The following SLC6A6 variants were observed in gnomAD, a reference collection of about 807,000 sequenced individuals.
SLC6A6 encodes the protein sodium- and chloride-dependent taurine transporter.
In SLC6A6, 16 loss-of-function variants were observed where a neutral mutation model predicts 68.8. The observed-to-expected ratio is 0.23, with a 90% confidence interval of 0.16 to 0.35. The LOEUF (loss-of-function observed/expected upper bound fraction) is 0.35, where lower values mean the gene tolerates loss of function less well. SLC6A6 is among the 10% of genes least tolerant of loss of function. The pLI is 1.00. For missense variants in SLC6A6, 474 were observed against 802.8 expected (o/e 0.59, Z 4.95); for synonymous variants, 312 against 315.4 (o/e 0.99, Z 0.12).
rs1306299891 is a variant in SLC6A6 at position 14,445,862 on chromosome 3, G to A, written c.364+11G>A. 6 of 1,613,854 alleles carry A rather than the reference G, an allele frequency of 3.7e-6. No homozygotes were observed. In the East Asian group the frequency reaches 6.7e-5, roughly 18 times the overall value. On this transcript the variant is annotated intron_variant, in intron 4 of 14. Coordinates refer to ENST00000622186, the MANE Select transcript of SLC6A6 (RefSeq NM_003043.6). ...GCCCCTTGTTCTCTGGTGAGTATGG[G>A]ACGGAGGTCACTTGGGGCCTGGCAC...
chr3:14,409,764 G>C, intron 1 of SLC6A6, among the ~76,000 whole-genome samples: 1 of 152,238 alleles, frequency 6.6e-6, no homozygotes, highest in South Asian at 2.1e-4. Context: ...AGCAGCCCCA[G>C]GCTGTGGAGT....
At chr3:14,419,058 G>C (rs780002504) in intron 2 of SLC6A6, among the ~76,000 whole-genome samples, 2 of 152,188 alleles carry the variant, frequency 1.3e-5, no homozygotes, top group Non-Finnish European at 2.9e-5. Context: ...TTGTGCAAGG[G>C]GCCCTGCCTG....
chr3:14,455,577 A>G (rs1382974006), intron 5 of SLC6A6, among the ~76,000 whole-genome samples: 1 of 152,228 alleles, frequency 6.6e-6, no homozygotes, highest in African/African-American at 2.4e-5. Flanking sequence ...CAGGGGCTCT[A>G]CAGTGAGTCT....
At chr3:14,403,630 T>C (rs1032216255) in intron 1 of SLC6A6, among the ~76,000 whole-genome samples, 148 of 152,300 alleles carry the variant, frequency 9.7e-4, no homozygotes, top group African/African-American at 3.3e-3. Flanking sequence ...CGTCCAGCAG[T>C]CCTGAGTGGT....
chr3:14,485,066 A>C lies in SLC6A6; in HGVS notation c.*59A>C. On this transcript the variant is annotated 3_prime_UTR_variant, in exon 15 of 15. Transcript: ENST00000622186. ...TGCTGTTTACTAACATTAGATTCTCATAGGACCAGGTTTACAGAGCTTTAT... is the reference window on the plus strand; with the variant it reads ...TGCTGTTTACTAACATTAGATTCTCCTAGGACCAGGTTTACAGAGCTTTAT... 168 of 1,457,302 alleles carry C rather than the reference A, an allele frequency of 1.2e-4. No individual in the cohort carries two copies. Among genetic ancestry groups the C allele is most frequent in the Non-Finnish European group, 1.5e-4 (159 of 1,067,622 alleles). The allele number at this position is 1,457,302 out of a possible 1,614,324, so 90.3% of individuals were successfully genotyped here. A position where few individuals can be genotyped will look rare whatever the true frequency, so the allele number is the denominator to read the frequency against.
At chr3:14,419,025 G>A (rs1699428301) in intron 2 of SLC6A6, among the ~76,000 whole-genome samples, 1 of 152,244 alleles carries the variant, frequency 6.6e-6, no homozygotes, top group Non-Finnish European at 1.5e-5. Context: ...GCTGGAATGT[G>A]AGTTCTGCTT....
In SLC6A6 at chr3:14,443,756, G is replaced by A. The variant is rs1700046479; in HGVS notation, c.122G>A (p.Arg41Lys). ...EDEAEGKPPQ[R>K]EKWSSKIDFV... is the part of the protein sequence containing the mutation. ...GAGGCTGAGGGAAAACCTCCGCAGA[G>A]GGAGAAGTGGTCTAGCAAGATCGAC... The change falls in exon 3 of 15, where the codon AGG becomes AAG. Residue 41 changes from arginine (R) to lysine (K), a missense_variant. Physicochemically the swap from Arg to Lys is conservative, Grantham distance 26 (BLOSUM62 2). Around this residue, in one of 2 missense-constraint regions of SLC6A6, gnomAD observed 280 missense variants for 533.1 expected, o/e 0.53. Transcript: ENST00000622186. 1 of 1,614,186 alleles carries A rather than the reference G, an allele frequency of 6.2e-7. No individual in the cohort carries two copies. The highest frequency in any genetic ancestry group is 8.5e-7 in the Non-Finnish European group (1 of 1,180,000).
chr3:14,453,226 C>T (rs1304210684), intron 5 of SLC6A6, among the ~76,000 whole-genome samples: 3 of 152,230 alleles, frequency 2.0e-5, no homozygotes, highest in Non-Finnish European at 2.9e-5. Context: ...GCCGGCTGGA[C>T]GGCAGCAGGG....
At chr3:14,440,554 G>C (rs189265822) in intron 2 of SLC6A6, among the ~76,000 whole-genome samples, 33 of 152,246 alleles carry the variant, frequency 2.2e-4, no homozygotes, top group African/African-American at 7.7e-4. Flanking sequence ...AGGGTTGGGC[G>C]GGGGCATGAG....
intron 2 of SLC6A6, among the ~76,000 whole-genome samples, chr3:14,429,083 C>A (rs1039463317): frequency 6.6e-6 from 1 of 152,214 alleles, no homozygotes; most frequent in African/African-American, 2.4e-5. Flanking sequence ...GCTTCTCCCC[C>A]CAGTCTCAAA....
chr3:14,477,095 TG>T lies in SLC6A6; in HGVS notation c.1210-108del. 1.0e-6 allele frequency: 1 copy of T among 988,168 alleles called. No homozygotes were observed. Among genetic ancestry groups the T allele is most frequent in the Non-Finnish European group, 1.5e-6 (1 of 648,740 alleles). 61.2% of individuals were successfully genotyped at this position (988,168 alleles called of 1,614,324 possible). On this transcript the variant is annotated intron_variant, in intron 10 of 14. Coordinates refer to ENST00000622186, the MANE Select transcript of SLC6A6 (RefSeq NM_003043.6). The surrounding 1 kb of genome is among the most constrained non-coding windows in gnomAD (Gnocchi z 4.2). ...CACAGGCCAATTCTGGACACAAGGA[TG>T]GTCACGTCTGCTCCTGCATTGTGTG... is the stretch of plus-strand genomic sequence containing the variant.
At chr3:14,466,685 C>T (rs1457083552) in intron 7 of SLC6A6, 35 bp downstream of exon 7, 2 of 1,580,964 alleles carry the variant, frequency 1.3e-6, no homozygotes, top group East Asian at 2.3e-5. Context: ...TCCTCCCTCC[C>T]ATCCAGGGCT....
chr3:14,421,756 A>G (rs1362646809), intron 2 of SLC6A6, among the ~76,000 whole-genome samples: 1 of 152,200 alleles, frequency 6.6e-6, no homozygotes, highest in Non-Finnish European at 1.5e-5. Context: ...GGGGCTCAGG[A>G]AGGCAGTGAG....
chr3:14,431,056 A>C (rs1574923793), intron 2 of SLC6A6, among the ~76,000 whole-genome samples: 1 of 150,210 alleles, frequency 6.7e-6, no homozygotes, highest in African/African-American at 2.5e-5. Flanking sequence ...ATTAACTTCA[A>C]AGTCATTATT....
chr3:14,433,767 C>G (rs1012475177), intron 2 of SLC6A6, among the ~76,000 whole-genome samples: 3 of 138,700 alleles, frequency 2.2e-5, no homozygotes, highest in Non-Finnish European at 3.0e-5. Flanking sequence ...TCGCACCCTG[C>G]ACTCCAGCTT....
At chr3:14,445,948 T>G in intron 4 of SLC6A6, 97 bp downstream of exon 4, 1 of 1,216,370 alleles carries the variant, frequency 8.2e-7, no homozygotes, top group South Asian at 1.3e-5. Flanking sequence ...TGGAGCCTCA[T>G]GCACATCACT....
At chr3:14,423,095 A>T (rs1334257125) in intron 2 of SLC6A6, among the ~76,000 whole-genome samples, 1 of 152,214 alleles carries the variant, frequency 6.6e-6, no homozygotes, top group Non-Finnish European at 1.5e-5. Context: ...AAGAGGTGGC[A>T]TGTGTGTTGT....
At chr3:14,430,472 T>C (rs1460782104) in intron 2 of SLC6A6, among the ~76,000 whole-genome samples, 1 of 152,102 alleles carries the variant, frequency 6.6e-6, no homozygotes, top group African/African-American at 2.4e-5. Context: ...TGGCTACCAC[T>C]GGGGGTTGCC....
intron 1 of SLC6A6, among the ~76,000 whole-genome samples, chr3:14,409,296 A>G (rs1699182701): frequency 1.3e-5 from 2 of 152,238 alleles, no homozygotes; most frequent in South Asian, 2.1e-4. Context: ...CAGTGCTGCC[A>G]GCTCAGTAAA....
Sources: allele counts gnomAD v4.1 joint callset (sites outside exome capture counted in the v4.1 genomes callset), GRCh38; gene constraint gnomAD v4.1.1; regional missense constraint gnomAD v4.1.1; non-coding constraint Gnocchi (gnomAD v3.1); transcripts MANE v1.5; gene names NCBI Gene and HGNC (gene_info 2026-07-23, HGNC 2026-07-21).